The following SPMAP2L variants were observed in gnomAD, a reference collection of about 807,000 sequenced individuals.
SPMAP2L encodes sperm microtubule associated protein 2-like.
chr4:56,530,906 A>G, the SPMAP2L span: 1 of 1,535,068 alleles, frequency 6.5e-7, no homozygotes, highest in Middle Eastern at 1.7e-4. Context: ...GAGGAATGTG[A>G]TGAGCCTCAT....
At chr4:56,536,237 A>C in the SPMAP2L span, among the ~76,000 whole-genome samples, 1 of 152,142 alleles carries the variant, frequency 6.6e-6, no homozygotes, top group East Asian at 1.9e-4. Context: ...CCTGTCACTA[A>C]CCTCACCTTG....
the SPMAP2L span, among the ~76,000 whole-genome samples, chr4:56,538,349 G>T: frequency 6.6e-6 from 1 of 151,964 alleles, no homozygotes; most frequent in Non-Finnish European, 1.5e-5. Context: ...TTTTTCCCAG[G>T]ATTCTCTCAT....
chr4:56,576,955 A>C, the SPMAP2L span, among the ~76,000 whole-genome samples: 1 of 152,184 alleles, frequency 6.6e-6, no homozygotes, highest in Non-Finnish European at 1.5e-5. Context: ...CATACATGTA[A>C]CCATTGTTCA....
At chr4:56,593,823 C>T in the SPMAP2L span, 60 of 1,609,682 alleles carry the variant, frequency 3.7e-5, no homozygotes, top group East Asian at 1.1e-4. Context: ...GCCCTCTTGG[C>T]GAATATGGCA....
At chr4:56,588,909 G>C in the SPMAP2L span, among the ~76,000 whole-genome samples, 1 of 152,114 alleles carries the variant, frequency 6.6e-6, no homozygotes. Context: ...GCTTTTGTTT[G>C]CTTTGTCAAA....
chr4:56,589,110 T>C, the SPMAP2L span, among the ~76,000 whole-genome samples: 527 of 152,256 alleles, frequency 3.5e-3, 5 homozygotes, highest in African/African-American at 0.012. Flanking sequence ...TGCTTCAGCC[T>C]CCTGAGTAGT....
chr4:56,560,721 C>T, the SPMAP2L span, among the ~76,000 whole-genome samples: 2 of 152,072 alleles, frequency 1.3e-5, no homozygotes, highest in Non-Finnish European at 2.9e-5. Context: ...AGCCACTGTA[C>T]CTGGCCAGCA....
At chr4:56,538,069 G>T in the SPMAP2L span, among the ~76,000 whole-genome samples, 11 of 152,270 alleles carry the variant, frequency 7.2e-5, no homozygotes, top group East Asian at 2.1e-3. Context: ...TATGGCTACC[G>T]CAGCCAGAGT....
At chr4:56,575,430 C>T in the SPMAP2L span, 13 of 1,483,392 alleles carry the variant, frequency 8.8e-6, no homozygotes, top group Admixed American at 1.0e-4. Flanking sequence ...GCCTGGGGAT[C>T]GATGTTGGAA....
the SPMAP2L span, chr4:56,594,387 C>A: frequency 1.2e-5 from 19 of 1,581,372 alleles, no homozygotes; most frequent in Non-Finnish European, 1.5e-5. Context: ...AAAGAATTTG[C>A]AAACATCCAC....
the SPMAP2L span, among the ~76,000 whole-genome samples, chr4:56,600,486 G>A: frequency 6.6e-6 from 1 of 151,626 alleles, no homozygotes; most frequent in African/African-American, 2.4e-5. Flanking sequence ...TACAGACGGG[G>A]TTTCACCGTG....
At chr4:56,617,275 T>C in the SPMAP2L span, among the ~76,000 whole-genome samples, 20 of 152,294 alleles carry the variant, frequency 1.3e-4, no homozygotes, top group African/African-American at 3.1e-4. Flanking sequence ...TAGCTAAACA[T>C]AGAAAAGGCA....
chr4:56,594,326 T>C, the SPMAP2L span: 1 of 1,525,362 alleles, frequency 6.6e-7, no homozygotes, highest in Non-Finnish European at 9.1e-7. Flanking sequence ...TCCACTGGGA[T>C]CCTGCACCAT....
the SPMAP2L span, among the ~76,000 whole-genome samples, chr4:56,620,450 G>A: frequency 3.3e-5 from 5 of 150,686 alleles, no homozygotes; most frequent in Non-Finnish European, 5.9e-5. Flanking sequence ...GCAACAGCGC[G>A]ATCTCAGCTC....
chr4:56,604,775 G>A, the SPMAP2L span, among the ~76,000 whole-genome samples: 4 of 152,258 alleles, frequency 2.6e-5, no homozygotes, highest in Non-Finnish European at 5.9e-5. Context: ...ACCAACAAGT[G>A]GATAAAGAGA....
chr4:56,614,615 C>T, the SPMAP2L span, among the ~76,000 whole-genome samples: 37 of 151,930 alleles, frequency 2.4e-4, no homozygotes, highest in Non-Finnish European at 5.1e-4. Flanking sequence ...GATCGTGCCA[C>T]TGAACTCCAG....
At chr4:56,617,956 G>T in the SPMAP2L span, among the ~76,000 whole-genome samples, 1 of 152,128 alleles carries the variant, frequency 6.6e-6, no homozygotes, top group African/African-American at 2.4e-5. Flanking sequence ...TCTTCCACCA[G>T]TGTGCTCTCC....
At chr4:56,545,923 G>T in the SPMAP2L span, among the ~76,000 whole-genome samples, 1 of 151,902 alleles carries the variant, frequency 6.6e-6, no homozygotes, top group Non-Finnish European at 1.5e-5. Flanking sequence ...CTCCTGAGTC[G>T]CTGGGATTAC....
At chr4:56,613,892 T>C in the SPMAP2L span, among the ~76,000 whole-genome samples, 1 of 152,240 alleles carries the variant, frequency 6.6e-6, no homozygotes, top group Non-Finnish European at 1.5e-5. Flanking sequence ...CTAACCTCTC[T>C]AGGCTTCAAT....
Sources: allele counts gnomAD v4.1 joint callset (sites outside exome capture counted in the v4.1 genomes callset), GRCh38; gene constraint gnomAD v4.1.1; transcripts MANE v1.5; gene names NCBI Gene and HGNC (gene_info 2026-07-23, HGNC 2026-07-21).